NUFIP1: variants seen among roughly 807,000 people sequenced by gnomAD.
NUFIP1 encodes nuclear FMR1 interacting protein 1.
A neutral mutation model predicts 56.2 loss-of-function variants in NUFIP1; 38 were observed. The observed-to-expected ratio is 0.68, with a 90% confidence interval of 0.52 to 0.89. The LOEUF is 0.89. Ranked by LOEUF, NUFIP1 falls within the 40% of genes least tolerant of loss-of-function variation. The probability of loss-of-function intolerance (pLI) is 0.00; values close to 1 mark genes in which losing one functional copy is unlikely to be tolerated. For missense variants in NUFIP1, 567 were observed against 605.8 expected (o/e 0.94, Z 0.67); for synonymous variants, 215 against 212.4 (o/e 1.01, Z -0.10).
In NUFIP1 at chr13:44,943,438, T is replaced by C. The variant is rs540167753; in HGVS notation, c.1371+4A>G. ...AGATTAGAACCTAAAGAAAAATAAT[T>C]TACCATTTCCAAGAGATATGGATGG... is the stretch of plus-strand genomic sequence containing the variant. On this transcript the variant is annotated splice_donor_region_variant and intron_variant, in intron 9 of 9. Coordinates refer to ENST00000379161, the MANE Select transcript of NUFIP1 (RefSeq NM_012345.3). 8.1e-6 allele frequency: 13 copies of C among 1,609,678 alleles called. No individual in the cohort carries two copies. The African/African-American group carries it at 1.7e-4, about 22-fold the overall frequency.
At chr13:44,953,980 A>C (rs537882183) in intron 7 of NUFIP1, among the ~76,000 whole-genome samples, 132 of 152,194 alleles carry the variant, frequency 8.7e-4, no homozygotes, top group Admixed American at 2.0e-3. Flanking sequence ...TGGCACTCTC[A>C]GAACATCTCC....
chr13:44,963,287 G>A (rs994023237), intron 6 of NUFIP1, among the ~76,000 whole-genome samples: 9 of 152,064 alleles, frequency 5.9e-5, no homozygotes, highest in Non-Finnish European at 1.2e-4. Context: ...TTATTCCTAG[G>A]CATTTGATGC....
intron 1 of NUFIP1, among the ~76,000 whole-genome samples, chr13:44,983,505 G>C (rs1872271274): frequency 6.7e-6 from 1 of 150,350 alleles, no homozygotes; most frequent in South Asian, 2.1e-4. Context: ...AAAAAAAAAA[G>C]TTGAGGGAGG....
Position 44,989,421 on chromosome 13 carries a change from T to C in NUFIP1, c.16A>G (p.Ser6Gly), listed in dbSNP as rs771013532. 4.3e-6 allele frequency: 7 copies of C among 1,613,308 alleles called. No individual in the cohort carries two copies. The highest frequency in any genetic ancestry group is 1.1e-5 in the South Asian group (1 of 90,920). Residue 6 changes from serine (S) to glycine (G), a missense_variant, in exon 1 of 10, where the codon AGT (serine) becomes GGT (glycine). By Grantham distance (56) the Ser-to-Gly change is moderately conservative. Transcript: ENST00000379161. MAEPT[S>G]DFETPIGWHA... Reference sequence around the variant, plus strand: ...CACCCGATAGGAGTCTCGAAATCACTAGTCGGCTCAGCCATACCACTGGCG... The same window carrying C: ...CACCCGATAGGAGTCTCGAAATCACCAGTCGGCTCAGCCATACCACTGGCG...
intron 1 of NUFIP1, among the ~76,000 whole-genome samples, chr13:44,988,052 T>C (rs1488702215): frequency 6.6e-6 from 1 of 152,230 alleles, no homozygotes; most frequent in Non-Finnish European, 1.5e-5. Flanking sequence ...GTTGTATGCA[T>C]GGCTGTGATC....
Position 44,942,094 on chromosome 13 carries a change from T to G in NUFIP1, c.1372-772A>C, listed in dbSNP as rs558403568. Among the ~76,000 whole-genome samples the G allele has an allele frequency of 3.4e-4, 52 of 152,286 alleles. No homozygotes were observed. In the South Asian group the frequency reaches 4.4e-3, roughly 13 times the overall value. The stretch of plus-strand genomic sequence containing the variant: ...GGCTAAAAAGTCTGCAATTCTTTAA[T>G]CTAAAATTATGTCAAAGAGGATTGC... On this transcript the variant is annotated intron_variant, in intron 9 of 9. Coordinates refer to ENST00000379161, the MANE Select transcript of NUFIP1 (RefSeq NM_012345.3).
chr13:44,952,083 C>T (rs886066602), intron 7 of NUFIP1, among the ~76,000 whole-genome samples: 1 of 152,080 alleles, frequency 6.6e-6, no homozygotes, highest in African/African-American at 2.4e-5. Context: ...AGCACATATC[C>T]CCTTTTCTGA....
At chr13:44,964,850 T>C (rs1871545862) in intron 6 of NUFIP1, among the ~76,000 whole-genome samples, 1 of 152,228 alleles carries the variant, frequency 6.6e-6, no homozygotes, top group South Asian at 2.1e-4. Context: ...ACATCAGTAG[T>C]GAGTAGTTAG....
At chr13:44,969,907 A>G (rs1334174828) in intron 5 of NUFIP1, among the ~76,000 whole-genome samples, 4 of 152,180 alleles carry the variant, frequency 2.6e-5, no homozygotes, top group African/African-American at 9.7e-5. Context: ...GCTTCCACAC[A>G]AGCTACACTA....
chr13:44,978,126 C>T (rs148460243), intron 5 of NUFIP1, among the ~76,000 whole-genome samples: 97 of 152,338 alleles, frequency 6.4e-4, no homozygotes, highest in Non-Finnish European at 1.3e-3. Context: ...ACCTGATACA[C>T]TTTCGTTGAA....
At chr13:44,975,371 C>T (rs559427181) in intron 5 of NUFIP1, among the ~76,000 whole-genome samples, 1 of 152,146 alleles carries the variant, frequency 6.6e-6, no homozygotes, top group Non-Finnish European at 1.5e-5. Flanking sequence ...CTCCAAAGCC[C>T]ATCCTCTTCC....
chr13:44,960,415 C>A (rs1871384312), intron 6 of NUFIP1, among the ~76,000 whole-genome samples: 1 of 151,418 alleles, frequency 6.6e-6, no homozygotes, highest in Non-Finnish European at 1.5e-5. Context: ...ACTACAGGCA[C>A]CCACCATCAG....
At chr13:44,968,677 C>T (rs1871700143) in intron 5 of NUFIP1, among the ~76,000 whole-genome samples, 1 of 152,174 alleles carries the variant, frequency 6.6e-6, no homozygotes, top group South Asian at 2.1e-4. Flanking sequence ...ACTCAACACC[C>T]TCCACAATTC....
intron 1 of NUFIP1, among the ~76,000 whole-genome samples, chr13:44,988,377 G>A (rs1449813369): frequency 6.6e-6 from 1 of 152,194 alleles, no homozygotes; most frequent in African/African-American, 2.4e-5. Context: ...CCTCTCTGCA[G>A]AGACTGCATA....
chr13:44,984,387 T>C (rs1872308595), intron 1 of NUFIP1, among the ~76,000 whole-genome samples: 2 of 152,188 alleles, frequency 1.3e-5, no homozygotes, highest in Admixed American at 6.5e-5. Flanking sequence ...ATTCCTGTAT[T>C]CCCAGTGCTT....
chr13:44,986,710 A>G (rs897608020), intron 1 of NUFIP1, among the ~76,000 whole-genome samples: 90 of 151,346 alleles, frequency 5.9e-4, no homozygotes, highest in Admixed American at 2.2e-3. Context: ...AAAAAAAAAA[A>G]GAAGTGGAGC....
chr13:44,976,094 T>A (rs932252773), intron 5 of NUFIP1, among the ~76,000 whole-genome samples: 1 of 151,966 alleles, frequency 6.6e-6, no homozygotes, highest in Admixed American at 6.5e-5. Flanking sequence ...TGAACCAACC[T>A]CTAACTGATC....
intron 5 of NUFIP1, among the ~76,000 whole-genome samples, chr13:44,972,871 G>A (rs1410237414): frequency 6.6e-6 from 1 of 152,138 alleles, no homozygotes; most frequent in African/African-American, 2.4e-5. Context: ...GTTTGTTTTG[G>A]TGAACTCAGC....
intron 2 of NUFIP1, 33 bp downstream of exon 2, chr13:44,982,035 GACCA>G: frequency 8.7e-7 from 1 of 1,149,328 alleles, no homozygotes; most frequent in Non-Finnish European, 1.2e-6. Context: ...GTAACATAGG[GACCA>G]AGGGGTCAAA....
Sources: allele counts gnomAD v4.1 joint callset (sites outside exome capture counted in the v4.1 genomes callset), GRCh38; gene constraint gnomAD v4.1.1; transcripts MANE v1.5; gene names NCBI Gene and HGNC (gene_info 2026-07-23, HGNC 2026-07-21).